The following LRGUK variants were observed in gnomAD, a reference collection of about 807,000 sequenced individuals.
LRGUK encodes the protein leucine-rich repeat and guanylate kinase domain-containing protein.
LRGUK carries 65 observed loss-of-function variants against 76.0 expected under a neutral mutation model. The observed-to-expected ratio is 0.85, with a 90% CI of 0.70 to 1.05. LRGUK has a LOEUF of 1.05. Ranked by LOEUF, LRGUK falls within the 50% of genes least tolerant of loss-of-function variation. LRGUK has a pLI of 0.00. For missense variants in LRGUK, 758 were observed against 732.8 expected (o/e 1.03, Z -0.40); for synonymous variants, 268 against 265.6 (o/e 1.01, Z -0.09).
At chr7:134,268,896 A>AT (rs922900028), downstream of LRGUK, among the ~76,000 whole-genome samples, 14 of 150,820 alleles carry the variant, frequency 9.3e-5, no homozygotes, top group African/African-American at 2.9e-4. Context: ...CACCCGGCTA[A>AT]TTTTTTTTGT....
the LRGUK span, among the ~76,000 whole-genome samples, chr7:134,274,914 G>A: frequency 6.6e-6 from 1 of 151,866 alleles, no homozygotes; most frequent in Non-Finnish European, 1.5e-5. Flanking sequence ...CATTTCAGTT[G>A]TAGAGCAAAA....
At position 134,169,409 on chromosome 7, in the gene LRGUK, T is replaced by C. The variant is rs190389647; in HGVS notation, c.940-5147T>C. Among the ~76,000 whole-genome samples, 372 of 152,228 alleles carry C rather than the reference T, an allele frequency of 2.4e-3. 2 individuals are homozygous for C. The South Asian group carries it at 0.027, about 11-fold the overall frequency. On this transcript the variant is annotated intron_variant, in intron 7 of 15. Transcript: ENST00000645682. ...GAAGAAATTTCTGTTGTTTTAGACCTCCAGGTTTGTGGTAGTTTGTTATGG... is the reference window on the plus strand; with the variant it reads ...GAAGAAATTTCTGTTGTTTTAGACCCCCAGGTTTGTGGTAGTTTGTTATGG...
At chr7:134,176,120 A>G (rs1799467416) in intron 8 of LRGUK, among the ~76,000 whole-genome samples, 1 of 152,102 alleles carries the variant, frequency 6.6e-6, no homozygotes. Context: ...GCAACCTACC[A>G]CAGGAACAGG....
intron 1 of LRGUK, 37 bp downstream of exon 1, chr7:134,127,701 C>G (rs777543427): frequency 6.3e-7 from 1 of 1,579,498 alleles, no homozygotes; most frequent in Non-Finnish European, 8.6e-7. Flanking sequence ...CCCTGGCTCC[C>G]TCGTCCAGCC....
downstream of LRGUK, among the ~76,000 whole-genome samples, chr7:134,269,216 T>C (rs1475062127): frequency 6.6e-6 from 1 of 152,160 alleles, no homozygotes; most frequent in Admixed American, 6.5e-5. Flanking sequence ...TCCTTGTAGA[T>C]CCACGGATTA....
chr7:134,144,853 G>C (rs1797905777), intron 4 of LRGUK, among the ~76,000 whole-genome samples: 1 of 152,134 alleles, frequency 6.6e-6, no homozygotes, highest in Non-Finnish European at 1.5e-5. Flanking sequence ...TCTGTACTCA[G>C]TGTGGGGCCG....
chr7:134,188,135 C>G (rs549346069), intron 11 of LRGUK, among the ~76,000 whole-genome samples: 1 of 152,282 alleles, frequency 6.6e-6, no homozygotes, highest in Admixed American at 6.5e-5. Flanking sequence ...AGGCATGGTT[C>G]TTCTCCTCCT....
intron 19 of LRGUK, among the ~76,000 whole-genome samples, chr7:134,263,623 CTTTTTTTTTTTT>C (rs59840547): frequency 8.8e-6 from 1 of 114,006 alleles, no homozygotes; most frequent in East Asian, 2.5e-4. Context: ...TCATTTCTTT[CTTTTTTTTTTTT>C]TTTTTTTTGG....
chr7:134,201,320 G>T (rs1352809390), intron 14 of LRGUK, among the ~76,000 whole-genome samples, 161 bp from the exon 15 acceptor site: 1 of 152,142 alleles, frequency 6.6e-6, no homozygotes, highest in Non-Finnish European at 1.5e-5. Flanking sequence ...GGAGGAGATT[G>T]ATTATACAAA....
chr7:134,190,629 G>A (rs115904869), intron 11 of LRGUK, among the ~76,000 whole-genome samples: 2,984 of 152,294 alleles, frequency 0.02, 83 homozygotes, highest in African/African-American at 0.062. Context: ...CCATATTCTT[G>A]TAGGACCAAC....
chr7:134,151,074 T>A (rs1002507801), intron 5 of LRGUK, among the ~76,000 whole-genome samples: 2 of 152,180 alleles, frequency 1.3e-5, no homozygotes, highest in Non-Finnish European at 2.9e-5. Context: ...CAGCATGAAA[T>A]ATACTTCTTT....
At chr7:134,163,352 C>A in intron 6 of LRGUK, 45 bp from the exon 7 acceptor site, 1 of 1,529,490 alleles carries the variant, frequency 6.5e-7, no homozygotes, top group Non-Finnish European at 8.8e-7. Context: ...ACAACTTTTC[C>A]TTGAGAGGTC....
intron 11 of LRGUK, among the ~76,000 whole-genome samples, chr7:134,189,556 G>A (rs1380219196): frequency 6.6e-6 from 1 of 152,162 alleles, no homozygotes; most frequent in East Asian, 1.9e-4. Flanking sequence ...TTATTTACCT[G>A]CCTAGAAGCT....
At chr7:134,208,335 C>T (rs913492653) in intron 15 of LRGUK, among the ~76,000 whole-genome samples, 2 of 152,190 alleles carry the variant, frequency 1.3e-5, no homozygotes, top group Non-Finnish European at 2.9e-5. Context: ...CTAGTTTCTA[C>T]CATCAAAAAC....
intron 15 of LRGUK, among the ~76,000 whole-genome samples, chr7:134,206,054 G>C (rs1159670024): frequency 2.0e-5 from 3 of 152,312 alleles, no homozygotes; most frequent in African/African-American, 7.2e-5. Context: ...ATAAAAGGAA[G>C]CGCAAGGTTT....
At chr7:134,167,516 C>T (rs1239007247) in intron 7 of LRGUK, among the ~76,000 whole-genome samples, 3 of 152,154 alleles carry the variant, frequency 2.0e-5, no homozygotes, top group African/African-American at 7.2e-5. Flanking sequence ...GGCCGTTGAA[C>T]AGGAGACCGC....
chr7:134,263,725 C>A, intron 19 of LRGUK, 120 bp from the exon 20 acceptor site: 4 of 911,382 alleles, frequency 4.4e-6, no homozygotes, highest in Non-Finnish European at 4.5e-6. Flanking sequence ...TCATTTATTT[C>A]TTATAGTTTG....
At chr7:134,165,619 A>G (rs1486740497) in intron 7 of LRGUK, among the ~76,000 whole-genome samples, 1 of 152,218 alleles carries the variant, frequency 6.6e-6, no homozygotes, top group Non-Finnish European at 1.5e-5. Context: ...TCATTTCAAC[A>G]TGTAATCTAC....
Position 134,127,736 on chromosome 7 carries a change from G to T in LRGUK, c.297+72G>T, listed in dbSNP as rs1210161125. 3.4e-6 allele frequency: 5 copies of T among 1,474,142 alleles called. No individual in the cohort carries two copies. In the East Asian group the frequency reaches 9.8e-5, roughly 29 times the overall value. 91.3% of individuals were successfully genotyped at this position (1,474,142 alleles called of 1,614,324 possible). On this transcript the variant is annotated intron_variant, in intron 1 of 15. Transcript: ENST00000645682. ...CCTGTTACTTCAGCGGCAGCTCCCCGATGCACCCCCACCAGCCCGAAGCTT... is the reference window on the plus strand; with the variant it reads ...CCTGTTACTTCAGCGGCAGCTCCCCTATGCACCCCCACCAGCCCGAAGCTT...
Sources: gnomAD v4.1 joint callset for allele counts (sites outside exome capture counted in the v4.1 genomes callset) on GRCh38, gnomAD v4.1.1 for gene constraint, MANE v1.5 for transcripts, NCBI Gene and HGNC (gene_info 2026-07-23, HGNC 2026-07-21) for gene names.